The following DCHS2 variants were observed in gnomAD, a reference collection of about 807,000 sequenced individuals.
DCHS2 encodes the protein dachsous cadherin-related 2, also known as protocadherin-23.
In DCHS2, 142 loss-of-function variants were observed where a neutral mutation model predicts 182.4. The ratio of observed to expected loss-of-function variants is 0.78; its 90% CI spans 0.68 to 0.89. DCHS2 has a LOEUF of 0.89. Among genes scored for constraint, DCHS2 ranks in the 40% least tolerant of loss-of-function variants. The probability of loss-of-function intolerance (pLI) is 0.00; values close to 1 mark genes in which losing one functional copy is unlikely to be tolerated. For synonymous variants in DCHS2, 1,740 were observed against 1,663.3 expected (o/e 1.05, Z -1.12); for missense variants, 4,319 against 4,198.6 (o/e 1.03, Z -0.79).
chr4:154,256,045 C>T (rs926505395), intron 15 of DCHS2, among the ~76,000 whole-genome samples: 23 of 152,184 alleles, frequency 1.5e-4, no homozygotes, highest in Admixed American at 1.4e-3. Context: ...GGGAAATCTC[C>T]ACATAGTGAT....
At chr4:154,288,600 GA>G (rs1734514372) in intron 13 of DCHS2, among the ~76,000 whole-genome samples, 1 of 152,048 alleles carries the variant, frequency 6.6e-6, no homozygotes, top group South Asian at 2.1e-4. Flanking sequence ...TTCATCCAAT[GA>G]AATGGATGGA....
At chr4:154,411,269 T>C (rs1732621453) in intron 1 of DCHS2, among the ~76,000 whole-genome samples, 1 of 152,014 alleles carries the variant, frequency 6.6e-6, no homozygotes, top group Non-Finnish European at 1.5e-5. Context: ...TAAGGAGATG[T>C]AGGTCAAAGA....
chr4:154,333,255 C>T lies in DCHS2; in HGVS notation c.2953G>A (p.Glu985Lys), dbSNP rs1728574826. ...GGCGTGGTCTGGGATATTCTAATCT[C>T]ATCCGAGGTCCTGAGGAACGCTGGG... The part of the protein sequence containing the change: ...NHPAFLRTSD[E>K]IRISQTTPPG... The change falls in exon 5 of 20, where the codon GAG becomes AAG. Residue 985 changes from glutamate to lysine, a missense_variant. Coordinates refer to ENST00000357232, the MANE Select transcript of DCHS2 (RefSeq NM_001358235.2). 2 of 1,614,236 alleles carry T rather than the reference C, an allele frequency of 1.2e-6. No homozygotes were observed. Among genetic ancestry groups the T allele is most frequent in the East Asian group, 2.2e-5 (1 of 44,880 alleles).
chr4:154,425,641 A>C (rs1389295844), intron 1 of DCHS2, among the ~76,000 whole-genome samples: 2 of 152,204 alleles, frequency 1.3e-5, no homozygotes, highest in African/African-American at 2.4e-5. Context: ...TAGAAAGTGC[A>C]TTTCTGGTTC....
intron 1 of DCHS2, among the ~76,000 whole-genome samples, chr4:154,445,912 C>T (rs994053199): frequency 1.3e-5 from 2 of 152,004 alleles, no homozygotes; most frequent in African/African-American, 4.8e-5. Flanking sequence ...ATAGAATCCT[C>T]ATTATAAGAA....
intron 1 of DCHS2, among the ~76,000 whole-genome samples, chr4:154,404,676 T>C (rs1732325078): frequency 6.6e-6 from 1 of 152,240 alleles, no homozygotes; most frequent in Admixed American, 6.5e-5. Flanking sequence ...ATCAGATTTT[T>C]CCCCAAGTAT....
At chr4:154,424,812 T>C (rs866632860) in intron 1 of DCHS2, among the ~76,000 whole-genome samples, 28 of 152,178 alleles carry the variant, frequency 1.8e-4, no homozygotes, top group African/African-American at 6.5e-4. Flanking sequence ...AGATTCAGGA[T>C]TGTGTTATCT....
At chr4:154,277,711 T>C (rs978230281) in intron 13 of DCHS2, among the ~76,000 whole-genome samples, 4 of 150,438 alleles carry the variant, frequency 2.7e-5, no homozygotes, top group Non-Finnish European at 5.9e-5. Context: ...AATCTCCAGG[T>C]GCTAACCTGA....
intron 9 of DCHS2, among the ~76,000 whole-genome samples, chr4:154,319,821 A>G (rs766866510): frequency 1.9e-4 from 29 of 152,084 alleles, no homozygotes; most frequent in Non-Finnish European, 3.4e-4. Context: ...TGGCCCAGCA[A>G]CTCCACTTTT....
chr4:154,417,707 A>T (rs1467364192), intron 1 of DCHS2, among the ~76,000 whole-genome samples: 2 of 152,124 alleles, frequency 1.3e-5, no homozygotes, highest in African/African-American at 4.8e-5. Context: ...GGCCAGGGGG[A>T]AAAAAGTGTC....
Position 154,333,096 on chromosome 4 carries a change from T to C in DCHS2, c.3112A>G (p.Asn1038Asp), listed in dbSNP as rs1425200085. 1.2e-6 allele frequency: 2 copies of C among 1,613,904 alleles called. No homozygotes were observed. Among genetic ancestry groups the C allele is most frequent in the Admixed American group, 1.7e-5 (1 of 59,998 alleles). ...TGCTCGCCCGCGCCCAGGCTGCCGT[T>C]GAGGAACAGCACCCCCAGGGCTCTG... ...IDRALGVLFL[N>D]GSLGAGEQRE... Residue 1038 changes from asparagine to aspartate, a missense_variant, in exon 5 of 20, where the codon AAC (asparagine) becomes GAC (aspartate). Physicochemically the swap from Asn to Asp is conservative, Grantham distance 23. Coordinates refer to ENST00000357232, the MANE Select transcript of DCHS2 (RefSeq NM_001358235.2).
At chr4:154,308,402 ACAAT>A (rs1274733796) in intron 10 of DCHS2, among the ~76,000 whole-genome samples, 1 of 152,174 alleles carries the variant, frequency 6.6e-6, no homozygotes. Flanking sequence ...GGGTGCATTG[ACAAT>A]CAATGTGCTG....
intron 1 of DCHS2, among the ~76,000 whole-genome samples, chr4:154,400,110 T>C (rs1009899730): frequency 6.6e-6 from 1 of 150,518 alleles, no homozygotes; most frequent in Non-Finnish European, 1.5e-5. Context: ...GAGACCATCC[T>C]GGCTAACACG....
rs1736025000 is a variant in DCHS2 at position 154,320,707 on chromosome 4, G to A, written c.4692C>T (p.Pro1564=). 3.7e-6 allele frequency: 6 copies of A among 1,614,086 alleles called. No individual in the cohort carries two copies. The East Asian group carries it at 1.3e-4, about 36-fold the overall frequency. The change falls in exon 9 of 20, where the codon CCC becomes CCT. Residue 1564 remains proline, a synonymous_variant. Coordinates refer to ENST00000357232, the MANE Select transcript of DCHS2 (RefSeq NM_001358235.2). The part of the protein sequence containing the change: ...NPGTNPFLIH[P]SFGTLVTVSR... ...ACACAGTGACTAGTGTGCCAAATGA[G>A]GGGTGGATGAGAAATGGATTCGTGC...
At chr4:154,286,435 C>G (rs1346133982) in intron 13 of DCHS2, among the ~76,000 whole-genome samples, 3 of 151,908 alleles carry the variant, frequency 2.0e-5, no homozygotes, top group Admixed American at 6.6e-5. Flanking sequence ...AGCTGTTTTG[C>G]AAAAACTCAA....
At chr4:154,406,746 A>T (rs1431054792) in intron 1 of DCHS2, among the ~76,000 whole-genome samples, 2 of 152,218 alleles carry the variant, frequency 1.3e-5, no homozygotes, top group African/African-American at 4.8e-5. Flanking sequence ...GACTTGCAGC[A>T]TAGATCCTAC....
chr4:154,420,758 C>T (rs1733078473), intron 1 of DCHS2, among the ~76,000 whole-genome samples: 1 of 152,202 alleles, frequency 6.6e-6, no homozygotes, highest in South Asian at 2.1e-4. Flanking sequence ...AACACTCTCA[C>T]AGCCATACCC....
chr4:154,373,186 T>C (rs1488441737), intron 2 of DCHS2, among the ~76,000 whole-genome samples: 2 of 152,250 alleles, frequency 1.3e-5, no homozygotes, highest in Non-Finnish European at 2.9e-5. Context: ...GAATGCAGTC[T>C]ACGTTGCTTT....
intron 3 of DCHS2, among the ~76,000 whole-genome samples, chr4:154,356,448 G>A (rs1239990974): frequency 1.3e-5 from 2 of 152,108 alleles, no homozygotes; most frequent in African/African-American, 4.8e-5. Context: ...CCTAAGTGTA[G>A]TATTTCTAAA....
Sources: gnomAD v4.1 joint callset for allele counts (sites outside exome capture counted in the v4.1 genomes callset) on GRCh38, gnomAD v4.1.1 for gene constraint, MANE v1.5 for transcripts, NCBI Gene and HGNC (gene_info 2026-07-23, HGNC 2026-07-21) for gene names.